Variants in SYT1 observed in about 807,000 individuals in gnomAD.
The protein encoded by SYT1 is synaptotagmin 1, also known as synaptotagmin-1.
A neutral mutation model predicts 44.8 loss-of-function variants in SYT1; 8 were observed. That is an observed-to-expected ratio of 0.18 (90% CI 0.10 to 0.32). The LOEUF is 0.32. Ranked by LOEUF, SYT1 falls within the 10% of genes least tolerant of loss-of-function variation. The pLI is 1.00. For missense variants in SYT1, 286 were observed against 509.3 expected, an observed-to-expected ratio of 0.56 and a Z score of 4.22; for synonymous variants, 154 against 188.8, an observed-to-expected ratio of 0.82 and a Z score of 1.51.
chr12:78,944,539 G>A (rs888967333), intron 1 of SYT1, among the ~76,000 whole-genome samples: 1 of 151,842 alleles, frequency 6.6e-6, no homozygotes, highest in African/African-American at 2.4e-5. Flanking sequence ...GGGAAATGCA[G>A]TTATTAAAAA....
intron 1 of SYT1, among the ~76,000 whole-genome samples, chr12:78,935,124 A>C (rs1264636044): frequency 6.6e-6 from 1 of 152,196 alleles, no homozygotes; most frequent in East Asian, 1.9e-4. Flanking sequence ...CTTGACCTAG[A>C]GAATTTTGAA....
intron 1 of SYT1, among the ~76,000 whole-genome samples, chr12:78,966,085 A>C (rs111323001): frequency 0.072 from 10,935 of 151,910 alleles, 443 homozygotes; most frequent in African/African-American, 0.1. Context: ...TCAAAAAAAA[A>C]AAAAAAAAAT....
chr12:79,304,117 T>C (rs1880276859), intron 8 of SYT1, among the ~76,000 whole-genome samples: 2 of 152,230 alleles, frequency 1.3e-5, no homozygotes, highest in Admixed American at 1.3e-4. Context: ...TACTTGTTCA[T>C]TGTCTATCTT....
At chr12:79,135,827 A>G (rs948252226) in intron 3 of SYT1, among the ~76,000 whole-genome samples, 1 of 152,232 alleles carries the variant, frequency 6.6e-6, no homozygotes, top group Non-Finnish European at 1.5e-5. Context: ...GAGGATTGAA[A>G]GATTCTGGTG....
chr12:79,005,180 CAT>C lies in SYT1; in HGVS notation c.-84+27250_-84+27251del, dbSNP rs1287487514. On this transcript the variant is annotated intron_variant, in intron 2 of 10. Transcript: ENST00000261205. ...AACCTTATTTCAAGGGTGCATCCAA[CAT>C]GTGTTATAGGCCAGCCATAGACTTT... Among the ~76,000 whole-genome samples the C allele has an allele frequency of 4.6e-5, 7 of 152,088 alleles. No individual in the cohort carries two copies. In the South Asian group the frequency reaches 8.3e-4, roughly 18 times the overall value.
At position 79,226,923 on chromosome 12, in the gene SYT1, A is replaced by G. The variant is rs570497911; in HGVS notation, c.166+9238A>G. On this transcript the variant is annotated intron_variant, in intron 4 of 10. Transcript: ENST00000261205. ...TCCTTTAGGACTATAAGATATATAA[A>G]GGTTATCACTTTTGACTTGGCATAA... 3.9e-5 allele frequency among the ~76,000 whole-genome samples: 6 copies of G among 152,304 alleles called. 1 individual carries two copies. The South Asian group carries it at 1.0e-3, about 26-fold the overall frequency.
At chr12:79,163,046 A>G (rs1159436932) in intron 3 of SYT1, among the ~76,000 whole-genome samples, 1 of 152,136 alleles carries the variant, frequency 6.6e-6, no homozygotes, top group East Asian at 1.9e-4. Flanking sequence ...ATATTACATT[A>G]GCCTTTAAGA....
intron 9 of SYT1, among the ~76,000 whole-genome samples, chr12:79,360,990 G>A (rs751870090): frequency 2.6e-5 from 4 of 152,182 alleles, no homozygotes; most frequent in Non-Finnish European, 5.9e-5. Flanking sequence ...GTGAAATCAA[G>A]AGAAATAAGT....
At chr12:79,366,876 T>C (rs1239731670) in intron 9 of SYT1, among the ~76,000 whole-genome samples, 2 of 150,822 alleles carry the variant, frequency 1.3e-5, no homozygotes, top group African/African-American at 4.9e-5. Context: ...TGTTCCTATA[T>C]GGCTGATATA....
intron 3 of SYT1, among the ~76,000 whole-genome samples, chr12:79,184,710 A>T (rs1872714723): frequency 6.6e-6 from 1 of 152,070 alleles, no homozygotes; most frequent in Non-Finnish European, 1.5e-5. Context: ...GGTAGGTTTT[A>T]AAACTCTTAT....
chr12:79,071,888 A>G (rs984378095), intron 3 of SYT1, among the ~76,000 whole-genome samples: 2 of 152,180 alleles, frequency 1.3e-5, no homozygotes, highest in Non-Finnish European at 2.9e-5. Flanking sequence ...TCATATTCAT[A>G]GATACCGGGG....
At chr12:79,368,582 T>C (rs1192752148) in intron 9 of SYT1, among the ~76,000 whole-genome samples, 1 of 150,844 alleles carries the variant, frequency 6.6e-6, no homozygotes, top group Non-Finnish European at 1.5e-5. Context: ...TTTTTAATGA[T>C]TGCCATTCTA....
At chr12:79,017,849 G>C (rs945472112) in intron 2 of SYT1, among the ~76,000 whole-genome samples, 1 of 152,068 alleles carries the variant, frequency 6.6e-6, no homozygotes, top group Non-Finnish European at 1.5e-5. Flanking sequence ...AAAGCTAGCA[G>C]CCAAGAGTTT....
intron 9 of SYT1, among the ~76,000 whole-genome samples, chr12:79,370,857 C>T (rs1278798841): frequency 6.6e-6 from 1 of 151,956 alleles, no homozygotes; most frequent in Non-Finnish European, 1.5e-5. Context: ...AGGGAATTAA[C>T]CTATTAAATC....
chr12:78,876,035 T>C (rs1327562708), intron 1 of SYT1, among the ~76,000 whole-genome samples: 1 of 151,708 alleles, frequency 6.6e-6, no homozygotes. Flanking sequence ...TTTATCACAT[T>C]CATGACACTT....
At chr12:79,391,234 G>T (rs1212266292) in intron 9 of SYT1, among the ~76,000 whole-genome samples, 1 of 152,176 alleles carries the variant, frequency 6.6e-6, no homozygotes, top group African/African-American at 2.4e-5. Context: ...CCACCCCAGT[G>T]ATCCTGATTC....
chr12:79,021,648 A>G (rs183348510), intron 2 of SYT1, among the ~76,000 whole-genome samples: 18 of 151,962 alleles, frequency 1.2e-4, no homozygotes, highest in Admixed American at 9.2e-4. Context: ...CCCTCCAAAA[A>G]TTATTTTAAA....
intron 2 of SYT1, among the ~76,000 whole-genome samples, chr12:79,010,484 G>A (rs1016616824): frequency 7.2e-5 from 11 of 152,022 alleles, no homozygotes; most frequent in African/African-American, 1.7e-4. Flanking sequence ...GATGAAGACC[G>A]CACCTCTTTA....
chr12:79,360,119 AAC>A (rs1883262158), intron 9 of SYT1, among the ~76,000 whole-genome samples: 1 of 152,126 alleles, frequency 6.6e-6, no homozygotes, highest in African/African-American at 2.4e-5. Context: ...TAAATTTGAA[AAC>A]TACACTTCAG....
Sources: allele counts gnomAD v4.1 joint callset (sites outside exome capture counted in the v4.1 genomes callset), GRCh38; gene constraint gnomAD v4.1.1; transcripts MANE v1.5; gene names NCBI Gene and HGNC (gene_info 2026-07-23, HGNC 2026-07-21).